BDP1: variants seen among roughly 807,000 people sequenced by gnomAD.
BDP1 encodes the protein BDP1 general transcription factor IIIB subunit.
Under a neutral mutation model 266.6 loss-of-function variants are expected in BDP1, and 169 were observed. The observed-to-expected ratio is 0.63, with a 90% CI of 0.56 to 0.72. The LOEUF (loss-of-function observed/expected upper bound fraction) is 0.72, where lower values mean the gene tolerates loss of function less well. Ranked by LOEUF, BDP1 falls within the 30% of genes least tolerant of loss-of-function variation. The probability of loss-of-function intolerance (pLI) is 0.00; values close to 1 mark genes in which losing one functional copy is unlikely to be tolerated. For synonymous variants in BDP1, 1,090 were observed against 1,022.4 expected (o/e 1.07, Z -1.26); for missense variants, 3,015 against 3,053.8 (o/e 0.99, Z 0.30).
chr5:71,538,988 C>G, intron 26 of BDP1, 54 bp from the exon 27 acceptor site: 6 of 1,226,448 alleles, frequency 4.9e-6, no homozygotes, highest in Non-Finnish European at 7.2e-6. Flanking sequence ...TGCTGAGAAA[C>G]AGAACATGTT....
At chr5:71,489,358 T>G in intron 9 of BDP1, 46 bp from the exon 10 acceptor site, 1 of 1,448,586 alleles carries the variant, frequency 6.9e-7, no homozygotes, top group Non-Finnish European at 9.3e-7. Context: ...TTACAAATTT[T>G]TCTTTAGGTT....
chr5:71,577,728 T>C, the BDP1 span, among the ~76,000 whole-genome samples: 1 of 151,984 alleles, frequency 6.6e-6, no homozygotes, highest in Non-Finnish European at 1.5e-5. Context: ...CAGCAAGGCC[T>C]GGAGAGCGTC....
At chr5:71,546,142 A>G (rs1742285450) in intron 32 of BDP1, among the ~76,000 whole-genome samples, 1 of 152,212 alleles carries the variant, frequency 6.6e-6, no homozygotes, top group Admixed American at 6.5e-5. Context: ...GGTTACATTT[A>G]AAGTTACGAG....
chr5:71,489,093 T>C (rs557169606), intron 9 of BDP1, among the ~76,000 whole-genome samples: 1 of 152,322 alleles, frequency 6.6e-6, no homozygotes, highest in South Asian at 2.1e-4. Flanking sequence ...AAGGAGCATC[T>C]CTATATGTAA....
At position 71,461,805 on chromosome 5, in the gene BDP1, TTATG is replaced by T. The variant is rs1243731073; in HGVS notation, c.490-8_490-5del. 1.4e-6 allele frequency: 2 copies of T among 1,446,924 alleles called. No individual in the cohort carries two copies. Among genetic ancestry groups the T allele is most frequent in the African/African-American group, 1.4e-5 (1 of 70,440 alleles). 89.6% of individuals were successfully genotyped at this position (1,446,924 alleles called of 1,614,324 possible). On this transcript the variant is annotated splice_region_variant and splice_polypyrimidine_tract_variant and intron_variant, in intron 2 of 38. Coordinates refer to ENST00000358731, the MANE Select transcript of BDP1 (RefSeq NM_018429.3). The stretch of plus-strand genomic sequence containing the variant: ...TATTTATAAAAGTGGATCTGTGTGT[TTATG>T]TATACAGAAACAATGGAAAAACAAA...
chr5:71,550,476 T>C (rs201892309), intron 34 of BDP1, among the ~76,000 whole-genome samples: 1 of 148,416 alleles, frequency 6.7e-6, no homozygotes, highest in African/African-American at 2.5e-5. Flanking sequence ...ATTTTTTTTT[T>C]CTTTTTTCAG....
intron 7 of BDP1, among the ~76,000 whole-genome samples, chr5:71,473,515 C>T (rs934578798): frequency 2.0e-5 from 3 of 150,894 alleles, no homozygotes; most frequent in African/African-American, 7.3e-5. Context: ...CCTTGTGATC[C>T]GCCTGCCTCG....
intron 16 of BDP1, among the ~76,000 whole-genome samples, chr5:71,508,463 C>A (rs562325713): frequency 3.6e-5 from 4 of 109,876 alleles, no homozygotes; most frequent in African/African-American, 1.2e-4. Context: ...CGCCACCTCA[C>A]TTGACTAATT....
chr5:71,570,039 A>T (rs759428080), downstream of BDP1, among the ~76,000 whole-genome samples: 1 of 152,162 alleles, frequency 6.6e-6, no homozygotes, highest in Non-Finnish European at 1.5e-5. Context: ...CTCATGGGTT[A>T]AGGAAACTGT....
At chr5:71,551,953 T>C (rs1393791781) in intron 34 of BDP1, among the ~76,000 whole-genome samples, 1 of 142,502 alleles carries the variant, frequency 7.0e-6, no homozygotes, top group Non-Finnish European at 1.5e-5. Flanking sequence ...GGCGGGGGGC[T>C]GACCCCCCCA....
At chr5:71,559,832 A>C (rs1743500469) in intron 36 of BDP1, 150 bp from the exon 37 acceptor site, 1 of 720,788 alleles carries the variant, frequency 1.4e-6, no homozygotes, top group South Asian at 2.0e-5. Flanking sequence ...TATTCTTAAT[A>C]ATCCAAGTAA....
At chr5:71,486,105 C>A (rs1763243848) in intron 8 of BDP1, among the ~76,000 whole-genome samples, 2 of 151,932 alleles carry the variant, frequency 1.3e-5, no homozygotes, top group Non-Finnish European at 1.5e-5. Context: ...TAGTATGTAC[C>A]CTAGTATCTG....
At chr5:71,468,119 A>G (rs1248461352) in intron 6 of BDP1, among the ~76,000 whole-genome samples, 1 of 151,916 alleles carries the variant, frequency 6.6e-6, no homozygotes, top group African/African-American at 2.4e-5. Context: ...CCTGGGTTCA[A>G]GCGATTCTCC....
rs141256968 is a variant in BDP1 at position 71,562,036 on chromosome 5, A to G, written c.7497-238A>G. 0.036 allele frequency among the ~76,000 whole-genome samples: 5,460 copies of G among 151,894 alleles called. 320 individuals are homozygous for G. The highest frequency in any genetic ancestry group is 0.13 in the African/African-American group (5,175 of 41,364). On this transcript the variant is annotated intron_variant, in intron 37 of 38. Transcript: ENST00000358731. The stretch of plus-strand genomic sequence containing the variant: ...GAGGCAGGCAGATGACGACGTCAGG[A>G]GTTCGAGACCAGCCTGACCAACATG...
At chr5:71,570,955 C>G (rs541149424), downstream of BDP1, among the ~76,000 whole-genome samples, 7 of 152,142 alleles carry the variant, frequency 4.6e-5, 1 homozygote, top group South Asian at 1.5e-3. Context: ...TTGAGCCCAT[C>G]AAGGATCAGA....
At chr5:71,469,810 T>G (rs1762126021) in intron 6 of BDP1, among the ~76,000 whole-genome samples, 1 of 150,622 alleles carries the variant, frequency 6.6e-6, no homozygotes, top group South Asian at 2.1e-4. Context: ...AGAGACAGGG[T>G]TTCACCATGT....
At chr5:71,471,632 G>A (rs1762260931) in intron 7 of BDP1, among the ~76,000 whole-genome samples, 2 of 152,162 alleles carry the variant, frequency 1.3e-5, no homozygotes, top group Admixed American at 1.3e-4. Flanking sequence ...CCAAGAGGAT[G>A]AGCTTTCTCT....
At chr5:71,537,221 C>T (rs925477106) in intron 26 of BDP1, among the ~76,000 whole-genome samples, 3 of 142,046 alleles carry the variant, frequency 2.1e-5, no homozygotes, top group Admixed American at 7.1e-5. Context: ...AATTTCAAGA[C>T]ATCAGATACA....
At position 71,458,641 on chromosome 5, in the gene BDP1, C is replaced by T; in HGVS notation, c.275C>T (p.Ser92Leu). ...TCCAGTAGATCTTCCTCTACTGTTTCACAGAGAAGAAAGCGAATATCAAGT... is the reference window on the plus strand; with the variant it reads ...TCCAGTAGATCTTCCTCTACTGTTTTACAGAGAAGAAAGCGAATATCAAGT... Reference protein sequence around the residue: ...EESSRSSSTVSQRRKRISSTS... With the variant: ...EESSRSSSTVLQRRKRISSTS... Residue 92 changes from serine (S) to leucine (L), a missense_variant, in exon 2 of 39, where the codon TCA becomes TTA. Coordinates refer to ENST00000358731, the MANE Select transcript of BDP1 (RefSeq NM_018429.3). The T allele has an allele frequency of 6.2e-7, 1 of 1,612,478 alleles. No homozygotes were observed. Among genetic ancestry groups the T allele is most frequent in the Non-Finnish European group, 8.5e-7 (1 of 1,178,584 alleles).
Sources: allele counts gnomAD v4.1 joint callset (sites outside exome capture counted in the v4.1 genomes callset), GRCh38; gene constraint gnomAD v4.1.1; transcripts MANE v1.5; gene names NCBI Gene and HGNC (gene_info 2026-07-23, HGNC 2026-07-21).